DLGAP1: variants seen among roughly 807,000 people sequenced by gnomAD.
DLGAP1 encodes disks large-associated protein 1.
A neutral mutation model predicts 90.8 loss-of-function variants in DLGAP1; 11 were observed. The ratio of observed to expected loss-of-function variants is 0.12; its 90% confidence interval spans 0.08 to 0.20. DLGAP1 has a LOEUF of 0.20. Among genes scored for constraint, DLGAP1 ranks in the 10% least tolerant of loss-of-function variants. The pLI is 1.00. For missense variants in DLGAP1, 1,050 were observed against 1,333.8 expected, an observed-to-expected ratio of 0.79 and a Z score of 3.31; for synonymous variants, 558 against 540.7, an observed-to-expected ratio of 1.03 and a Z score of -0.44.
chr18:3,990,628 TATAATAATAATAATAATA>T (rs77930009), intron 3 of DLGAP1, among the ~76,000 whole-genome samples: 3 of 143,262 alleles, frequency 2.1e-5, no homozygotes, highest in Admixed American at 7.0e-5. Flanking sequence ...AAACTTAAAA[TATAATAATAATAATAATA>T]ATAATAATAA....
Position 3,508,642 on chromosome 18 carries a change from G to T in DLGAP1, c.2499C>A (p.Thr833=). 6.2e-7 allele frequency: 1 copy of T among 1,613,712 alleles called. No homozygotes were observed. ...LPEDILGKIR[T]AVGSAQLLMA... The stretch of plus-strand genomic sequence containing the variant: ...TGAGAAGTTGGGCACTGCCCACTGC[G>T]GTTCGGATTTTTCCTAGAACTGGAA... The change falls in exon 11 of 13, where the codon ACC becomes ACA. Residue 833 remains threonine (T), a synonymous_variant. Transcript: ENST00000315677.
rs1456322424 is a variant in DLGAP1, at chr18:4,286,949, C to A, written c.-266-135662G>T. Among the ~76,000 whole-genome samples, 3 of 152,144 alleles carry A rather than the reference C, an allele frequency of 2.0e-5. No individual in the cohort carries two copies. The East Asian group carries it at 5.8e-4, about 29-fold the overall frequency. Reference sequence around the variant, plus strand: ...TGGATATTTGGGAATCTATCCCCTTCAGACTCAAGAGCAGGACAAATTTGA... The same window carrying A: ...TGGATATTTGGGAATCTATCCCCTTAAGACTCAAGAGCAGGACAAATTTGA... On this transcript the variant is annotated intron_variant, in intron 1 of 12. Transcript: ENST00000315677.
intron 4 of DLGAP1, among the ~76,000 whole-genome samples, chr18:3,824,539 T>G (rs2067603152): frequency 6.6e-6 from 1 of 152,194 alleles, no homozygotes. Flanking sequence ...TATTAATACT[T>G]AATTTTAAAA....
At chr18:4,018,960 C>G (rs1204690369) in intron 2 of DLGAP1, among the ~76,000 whole-genome samples, 1 of 152,146 alleles carries the variant, frequency 6.6e-6, no homozygotes, top group Non-Finnish European at 1.5e-5. Context: ...AAACTCAAGG[C>G]TTTAAAAAGG....
rs10513866 is a variant in DLGAP1 at position 3,539,137 on chromosome 18, T to C, written c.2058-4522A>G. ...TCAAAGAATGTTCTGCTCTACAAAA[T>C]GATTTATGTCTTTCATAAGCAAAGT... On this transcript the variant is annotated intron_variant, in intron 9 of 12. Transcript: ENST00000315677. Among the ~76,000 whole-genome samples the C allele has an allele frequency of 4.4e-3, 670 of 152,368 alleles. 5 individuals carry two copies. Among genetic ancestry groups the C allele is most frequent in the African/African-American group, 0.015 (632 of 41,582 alleles).
chr18:3,947,486 T>C (rs567943770), intron 3 of DLGAP1, among the ~76,000 whole-genome samples: 2 of 152,372 alleles, frequency 1.3e-5, no homozygotes, highest in East Asian at 3.9e-4. Flanking sequence ...TCTTCATTAC[T>C]CTGCACTCTG....
chr18:3,750,505 G>A (rs1170980806), intron 5 of DLGAP1, among the ~76,000 whole-genome samples: 1 of 152,070 alleles, frequency 6.6e-6, no homozygotes, highest in Non-Finnish European at 1.5e-5. Context: ...TTGCTGGGTC[G>A]AATGGTAGTT....
intron 1 of DLGAP1, among the ~76,000 whole-genome samples, chr18:4,214,309 A>T (rs73373064): frequency 0.036 from 3,536 of 97,562 alleles, 140 homozygotes; most frequent in African/African-American, 0.1. Context: ...TTAAGGAAAC[A>T]GATTTTTTTT....
intron 1 of DLGAP1, among the ~76,000 whole-genome samples, chr18:4,246,004 C>A (rs777478510): frequency 1.3e-5 from 2 of 151,692 alleles, no homozygotes; most frequent in Non-Finnish European, 3.0e-5. Flanking sequence ...TGAAAACCTG[C>A]AAGTGTTTCA....
intron 7 of DLGAP1, among the ~76,000 whole-genome samples, chr18:3,662,248 A>ACAAAT (rs2059710397): frequency 2.0e-5 from 3 of 152,158 alleles, no homozygotes; most frequent in African/African-American, 7.2e-5. Flanking sequence ...ACAAAACAAA[A>ACAAAT]ATTGTTTTAA....
chr18:4,405,753 T>A (rs923659495), intron 1 of DLGAP1, among the ~76,000 whole-genome samples: 1 of 152,130 alleles, frequency 6.6e-6, no homozygotes, highest in South Asian at 2.1e-4. Flanking sequence ...GGAGTTCACT[T>A]AAAACACTAG....
rs79492042 is a variant in DLGAP1 at position 4,414,350 on chromosome 18, T to C, written c.-267+40656A>G. On this transcript the variant is annotated intron_variant, in intron 1 of 12. Transcript: ENST00000315677. ...GTTACTTGATAGTTTAGATTTGGTG[T>C]ACACAGAATAATTGTATTTATATGA... 3.8e-3 allele frequency among the ~76,000 whole-genome samples: 580 copies of C among 152,330 alleles called. 6 individuals carry two copies. The highest frequency in any genetic ancestry group is 0.013 in the African/African-American group (531 of 41,572).
intron 9 of DLGAP1, among the ~76,000 whole-genome samples, chr18:3,541,181 T>C (rs1301643919): frequency 1.3e-5 from 2 of 152,038 alleles, no homozygotes; most frequent in South Asian, 2.1e-4. Context: ...GTAAGTCCGA[T>C]GGTTTTCTTT....
chr18:3,938,327 C>A (rs1445889354), intron 3 of DLGAP1, among the ~76,000 whole-genome samples: 1 of 151,942 alleles, frequency 6.6e-6, no homozygotes, highest in African/African-American at 2.4e-5. Flanking sequence ...ATACCAGATA[C>A]AACAGGAGGT....
rs140063819 is a variant in DLGAP1, at chr18:4,406,480, C to T, written c.-267+48526G>A. On this transcript the variant is annotated intron_variant, in intron 1 of 12. Coordinates refer to ENST00000315677, the MANE Select transcript of DLGAP1 (RefSeq NM_004746.4). ...GGTGTTTTTATGCACATATTTTAAT[C>T]GGTGAAACAACTCTGTGAGGTGGGG... Among the ~76,000 whole-genome samples, 12 of 152,228 alleles carry T rather than the reference C, an allele frequency of 7.9e-5. 1 individual carries two copies. Among genetic ancestry groups the T allele is most frequent in the African/African-American group, 2.4e-4 (10 of 41,524 alleles).
chr18:4,106,993 A>G (rs916444083), intron 2 of DLGAP1, among the ~76,000 whole-genome samples: 4 of 152,230 alleles, frequency 2.6e-5, no homozygotes, highest in South Asian at 2.1e-4. Flanking sequence ...CGTTCTCGTC[A>G]CATTCTGATC....
At chr18:4,060,244 G>A (rs1261014577) in intron 2 of DLGAP1, among the ~76,000 whole-genome samples, 1 of 152,152 alleles carries the variant, frequency 6.6e-6, no homozygotes, top group Non-Finnish European at 1.5e-5. Flanking sequence ...TTTCTCTCTT[G>A]AGTTCAAGGG....
chr18:3,523,649 C>G (rs181128664), intron 10 of DLGAP1, among the ~76,000 whole-genome samples: 1 of 151,808 alleles, frequency 6.6e-6, no homozygotes, highest in Non-Finnish European at 1.5e-5. Flanking sequence ...AGATCGAGAC[C>G]ATCCTGGCTA....
At chr18:3,872,400 A>G (rs1318613132) in intron 4 of DLGAP1, among the ~76,000 whole-genome samples, 1 of 152,144 alleles carries the variant, frequency 6.6e-6, no homozygotes, top group African/African-American at 2.4e-5. Flanking sequence ...TGGGTTGAAT[A>G]TAAGTAAATC....
Sources: gnomAD v4.1 joint callset for allele counts (sites outside exome capture counted in the v4.1 genomes callset) on GRCh38, gnomAD v4.1.1 for gene constraint, MANE v1.5 for transcripts, NCBI Gene and HGNC (gene_info 2026-07-23, HGNC 2026-07-21) for gene names.